The following CYFIP1 variants were observed in gnomAD, a reference collection of about 807,000 sequenced individuals.
The protein encoded by CYFIP1 is cytoplasmic FMR1 interacting protein 1.
CYFIP1 carries 58 observed loss-of-function variants against 163.5 expected under a neutral mutation model. The ratio of observed to expected loss-of-function variants is 0.35; its 90% CI spans 0.29 to 0.44. The LOEUF (loss-of-function observed/expected upper bound fraction) is 0.44. Among genes scored for constraint, CYFIP1 ranks in the 20% least tolerant of loss-of-function variants. The pLI is 1.00. For synonymous variants in CYFIP1, 663 were observed against 660.7 expected, an observed-to-expected ratio of 1.00 and a Z score of -0.05; for missense variants, 1,338 against 1,653.8, an observed-to-expected ratio of 0.81 and a Z score of 3.31.
chr15:22,871,220 G>T (rs2059425029), intron 30 of CYFIP1, among the ~76,000 whole-genome samples: 1 of 152,066 alleles, frequency 6.6e-6, no homozygotes, highest in African/African-American at 2.4e-5. Context: ...AACACACAAG[G>T]AAACAGCAAA....
intron 26 of CYFIP1, chr15:22,875,567 G>C (rs1294876581): frequency 1.4e-5 from 4 of 294,642 alleles, no homozygotes; most frequent in South Asian, 4.7e-5. Flanking sequence ...GTAAGACCCA[G>C]TGTTGAATGT....
intron 1 of CYFIP1, among the ~76,000 whole-genome samples, chr15:22,971,128 A>G (rs2063080338): frequency 6.6e-6 from 1 of 152,186 alleles, no homozygotes; most frequent in African/African-American, 2.4e-5. Flanking sequence ...AAAACAGATC[A>G]ACGCCTAAAC....
At chr15:22,929,055 C>T (rs1205883185) in intron 11 of CYFIP1, among the ~76,000 whole-genome samples, 2 of 151,686 alleles carry the variant, frequency 1.3e-5, no homozygotes. Flanking sequence ...CCCATCTCTA[C>T]CAAAAATATA....
chr15:22,903,594 TG>T, intron 22 of CYFIP1, 111 bp downstream of exon 22: 1 of 1,136,354 alleles, frequency 8.8e-7, no homozygotes, highest in Non-Finnish European at 1.3e-6. Flanking sequence ...TGAGAAGTGA[TG>T]GGGAGCAGCA....
At chr15:22,873,185 T>G (rs1183467292) in intron 29 of CYFIP1, among the ~76,000 whole-genome samples, 1 of 152,122 alleles carries the variant, frequency 6.6e-6, no homozygotes, top group Non-Finnish European at 1.5e-5. Context: ...GGTGTGCTGC[T>G]TCCTGTCCCT....
At position 22,917,164 on chromosome 15, in the gene CYFIP1, C is replaced by T. The variant is rs1013570191; in HGVS notation, c.1675-534G>A. On this transcript the variant is annotated intron_variant, in intron 15 of 30. Coordinates refer to ENST00000617928, the MANE Select transcript of CYFIP1 (RefSeq NM_014608.6). The surrounding 1 kb of genome is among the most constrained non-coding windows in gnomAD (Gnocchi z 4.2). ...CTGGCACCACGCACAGGCCGAGGGC[C>T]GTCCCCCTGACCCTCCTGCAGAGCC... 2.2e-5 allele frequency: 32 copies of T among 1,434,382 alleles called. No individual in the cohort carries two copies. The African/African-American group carries it at 3.4e-4, about 15-fold the overall frequency. 88.9% of individuals were successfully genotyped at this position (1,434,382 alleles called of 1,614,324 possible).
chr15:22,903,292 A>G (rs999452848), intron 22 of CYFIP1, among the ~76,000 whole-genome samples: 1 of 152,168 alleles, frequency 6.6e-6, no homozygotes, highest in Admixed American at 6.5e-5. Context: ...CTCAGGCCCT[A>G]CTATGAGGCT....
intron 23 of CYFIP1, among the ~76,000 whole-genome samples, chr15:22,883,661 C>CA (rs1228221864): frequency 6.6e-6 from 1 of 151,792 alleles, no homozygotes; most frequent in Non-Finnish European, 1.5e-5. Context: ...ACTAAATATA[C>CA]AAAAAATTAG....
At chr15:22,916,383 G>A in intron 16 of CYFIP1, 94 bp downstream of exon 16, 1 of 935,150 alleles carries the variant, frequency 1.1e-6, no homozygotes, top group South Asian at 1.5e-5. Context: ...CCAAGGGACG[G>A]GGTAGGGGGT....
chr15:22,934,109 T>C (rs543740678), intron 9 of CYFIP1, among the ~76,000 whole-genome samples: 140 of 148,366 alleles, frequency 9.4e-4, no homozygotes, highest in African/African-American at 3.4e-3. Context: ...ACTATTCAAA[T>C]GTTAAAATTA....
At position 22,916,470 on chromosome 15, in the gene CYFIP1, C is replaced by A. The variant is rs1254668122; in HGVS notation, c.1828+7G>T. On this transcript the variant is annotated splice_region_variant and intron_variant, in intron 16 of 30. Transcript: ENST00000617928. ...CAGGCCGGATGCTGCTCAGCAGTAT[C>A]TCTTACCACTGAAATTTATCAAGTG... 1 of 1,593,270 alleles carries A rather than the reference C, an allele frequency of 6.3e-7. No individual in the cohort carries two copies. The highest frequency in any genetic ancestry group is 8.6e-7 in the Non-Finnish European group (1 of 1,162,314).
chr15:22,889,445 C>T (rs1443835824), intron 23 of CYFIP1, among the ~76,000 whole-genome samples: 1 of 152,172 alleles, frequency 6.6e-6, no homozygotes, highest in Non-Finnish European at 1.5e-5. Context: ...GGGAGAAAAT[C>T]CTGGAGAATA....
chr15:22,914,950 C>T, intron 16 of CYFIP1, 68 bp from the exon 17 acceptor site: 7 of 1,512,650 alleles, frequency 4.6e-6, no homozygotes, highest in Non-Finnish European at 6.2e-6. Context: ...AGAGATGACA[C>T]AAGGGCTGTG....
rs552546587 is a variant in CYFIP1, at chr15:22,911,718, T to C, written c.2082+461A>G. ...TGAAGCACCATTTTCAGGTGGTCTT[T>C]GTGAGAAGGCAGAGGAGATGATGTG... is the stretch of plus-strand genomic sequence containing the variant. On this transcript the variant is annotated intron_variant, in intron 18 of 30. Transcript: ENST00000617928. 6.6e-5 allele frequency among the ~76,000 whole-genome samples: 10 copies of C among 152,308 alleles called. No individual in the cohort carries two copies. The South Asian group carries it at 2.1e-3, about 32-fold the overall frequency.
chr15:22,953,039 C>A (rs367854024), intron 1 of CYFIP1, among the ~76,000 whole-genome samples: 1 of 152,246 alleles, frequency 6.6e-6, no homozygotes, highest in Non-Finnish European at 1.5e-5. Flanking sequence ...CAGCTGTCAC[C>A]GCACGCACAC....
At chr15:22,947,432 C>T (rs995255727) in intron 1 of CYFIP1, 141 bp from the exon 2 acceptor site, 1 of 1,216,104 alleles carries the variant, frequency 8.2e-7, no homozygotes, top group South Asian at 1.6e-5. Context: ...CATGATCAGT[C>T]CTTGGGAGTT....
At position 22,868,407 on chromosome 15, in the gene CYFIP1, T is replaced by C. The variant is rs147245536; in HGVS notation, c.*1621A>G. On this transcript the variant is annotated 3_prime_UTR_variant, in exon 31 of 31. Coordinates refer to ENST00000617928, the MANE Select transcript of CYFIP1 (RefSeq NM_014608.6). ...ACATTTTGTAGCACTTGAGATTGTC[T>C]TATACCTAAGGTATTACATATTTGG... 1.1e-4 allele frequency: 17 copies of C among 152,336 alleles called. No homozygotes were observed. The East Asian group carries it at 3.3e-3, about 29-fold the overall frequency. The allele number at this position is 152,336 out of a possible 1,614,324, so 9.4% of individuals were successfully genotyped here. A position where few individuals can be genotyped will look rare whatever the true frequency, so the allele number is the denominator to read the frequency against.
At chr15:22,871,244 C>G (rs1272752855) in intron 30 of CYFIP1, among the ~76,000 whole-genome samples, 1 of 152,144 alleles carries the variant, frequency 6.6e-6, no homozygotes, top group Non-Finnish European at 1.5e-5. Flanking sequence ...TTAAATACCT[C>G]CAAGGCCTTC....
chr15:22,914,143 G>T (rs1308779413), intron 17 of CYFIP1, among the ~76,000 whole-genome samples: 1 of 152,060 alleles, frequency 6.6e-6, no homozygotes, highest in Non-Finnish European at 1.5e-5. Flanking sequence ...ACTTCATCTG[G>T]GTCAGAGGCT....
Sources: gnomAD v4.1 joint callset for allele counts (sites outside exome capture counted in the v4.1 genomes callset) on GRCh38, gnomAD v4.1.1 for gene constraint, Gnocchi (gnomAD v3.1) non-coding constraint, MANE v1.5 for transcripts, NCBI Gene and HGNC (gene_info 2026-07-23, HGNC 2026-07-21) for gene names.